The following DGKB variants were observed in gnomAD, a reference collection of about 807,000 sequenced individuals.
DGKB encodes the protein diacylglycerol kinase beta.
DGKB carries 67 observed loss-of-function variants against 114.3 expected under a neutral mutation model. The ratio of observed to expected loss-of-function variants is 0.59; its 90% confidence interval spans 0.48 to 0.72. The LOEUF (loss-of-function observed/expected upper bound fraction) is 0.72. DGKB is among the 30% of genes least tolerant of loss of function. The probability of loss-of-function intolerance (pLI) is 0.00; values close to 1 mark genes in which losing one functional copy is unlikely to be tolerated. For missense variants in DGKB, 907 were observed against 975.2 expected, an observed-to-expected ratio of 0.93 and a Z score of 0.93; for synonymous variants, 398 against 323.1, an observed-to-expected ratio of 1.23 and a Z score of -2.49.
chr7:14,631,871 T>A (rs1809784560), intron 13 of DGKB, among the ~76,000 whole-genome samples: 1 of 151,986 alleles, frequency 6.6e-6, no homozygotes, highest in Non-Finnish European at 1.5e-5. Flanking sequence ...CAAATTCAGG[T>A]CAGGAATGTA....
chr7:14,404,597 T>A (rs538732295), intron 21 of DGKB, among the ~76,000 whole-genome samples: 1 of 151,972 alleles, frequency 6.6e-6, no homozygotes, highest in African/African-American at 2.4e-5. Context: ...AGCCTAATTA[T>A]GGAAATAGAG....
intron 6 of DGKB, among the ~76,000 whole-genome samples, chr7:14,715,165 A>G (rs1242706580): frequency 1.3e-5 from 2 of 152,168 alleles, no homozygotes; most frequent in Non-Finnish European, 2.9e-5. Flanking sequence ...ATCAAGAGTC[A>G]AGGTTTTTAA....
chr7:14,693,142 C>G (rs1441617077), intron 9 of DGKB, among the ~76,000 whole-genome samples: 1 of 152,150 alleles, frequency 6.6e-6, no homozygotes, highest in South Asian at 2.1e-4. Context: ...TTGGGTTTGG[C>G]AGCAAAGTGG....
chr7:14,584,149 CAT>C (rs533015261), intron 17 of DGKB, among the ~76,000 whole-genome samples: 236 of 152,268 alleles, frequency 1.5e-3, no homozygotes, highest in African/African-American at 5.3e-3. Context: ...CAGTATATAA[CAT>C]ATGCATATGT....
At chr7:14,825,573 C>T (rs1186906982) in intron 2 of DGKB, among the ~76,000 whole-genome samples, 1 of 152,014 alleles carries the variant, frequency 6.6e-6, no homozygotes, top group Admixed American at 6.6e-5. Flanking sequence ...TGACAGGAGG[C>T]GAGGCTCAGG....
intron 23 of DGKB, among the ~76,000 whole-genome samples, chr7:14,295,185 T>C (rs1584983312): frequency 6.6e-6 from 1 of 152,174 alleles, no homozygotes; most frequent in Non-Finnish European, 1.5e-5. Flanking sequence ...AATATATGTA[T>C]ACAAAATATG....
chr7:14,201,244 C>T (rs1785821574), intron 23 of DGKB, among the ~76,000 whole-genome samples: 1 of 151,582 alleles, frequency 6.6e-6, no homozygotes, highest in South Asian at 2.1e-4. Flanking sequence ...GCATTAATCC[C>T]AATTATGATG....
At chr7:14,941,644 G>T (rs1045018425) in intron 1 of DGKB, among the ~76,000 whole-genome samples, 1 of 151,978 alleles carries the variant, frequency 6.6e-6, no homozygotes, top group Admixed American at 6.6e-5. Flanking sequence ...ATTGGTGAAT[G>T]GTACTAAATG....
At chr7:14,846,008 G>C (rs1269397333) in intron 1 of DGKB, among the ~76,000 whole-genome samples, 1 of 152,114 alleles carries the variant, frequency 6.6e-6, no homozygotes, top group Non-Finnish European at 1.5e-5. Context: ...ACTTACACAT[G>C]ACCACCAAGT....
rs181780387 is a variant in DGKB, at chr7:14,820,798, A to T, written c.70+20396T>A. On this transcript the variant is annotated intron_variant, in intron 2 of 25. Coordinates refer to ENST00000402815, the MANE Select transcript of DGKB (RefSeq NM_001350709.2). Reference sequence around the variant, plus strand: ...GACTATGTTAACCCAAAATTAACATAGTGTGTTTTCTCAGAGACAGAACTT... The same window carrying T: ...GACTATGTTAACCCAAAATTAACATTGTGTGTTTTCTCAGAGACAGAACTT... Among the ~76,000 whole-genome samples, 256 of 152,286 alleles carry T rather than the reference A, an allele frequency of 1.7e-3. 1 individual carries two copies. The highest frequency in any genetic ancestry group is 5.8e-3 in the African/African-American group (240 of 41,580).
chr7:14,212,653 G>C (rs1788311365), intron 23 of DGKB, among the ~76,000 whole-genome samples: 2 of 152,028 alleles, frequency 1.3e-5, no homozygotes, highest in African/African-American at 2.4e-5. Context: ...CCCCAGCTTA[G>C]AGTAAATCAG....
chr7:14,177,295 A>T (rs901956220), intron 24 of DGKB, among the ~76,000 whole-genome samples: 1 of 152,052 alleles, frequency 6.6e-6, no homozygotes, highest in African/African-American at 2.4e-5. Context: ...AATAACATCA[A>T]TTATTCCTGT....
chr7:14,681,531 A>G lies in DGKB; in HGVS notation c.1035+1022T>C, dbSNP rs1226446043. Among the ~76,000 whole-genome samples, 4 of 151,892 alleles carry G rather than the reference A, an allele frequency of 2.6e-5. No individual in the cohort carries two copies. The East Asian group carries it at 7.7e-4, about 29-fold the overall frequency. ...TTGAGGGTGGGGCACTTGGGGACAC[A>G]GTGGAGACAGTTATTTACTTAACTG... On this transcript the variant is annotated intron_variant, in intron 12 of 25. Transcript: ENST00000402815.
intron 5 of DGKB, among the ~76,000 whole-genome samples, chr7:14,732,403 T>C (rs765660774): frequency 4.9e-4 from 74 of 152,122 alleles, no homozygotes; most frequent in Non-Finnish European, 1.6e-4. Flanking sequence ...TCGTTATACA[T>C]TAGATAACAG....
At chr7:14,339,919 A>G (rs890527537) in intron 22 of DGKB, among the ~76,000 whole-genome samples, 3 of 151,938 alleles carry the variant, frequency 2.0e-5, no homozygotes, top group Admixed American at 6.6e-5. Context: ...CAGAAGACAC[A>G]GTGTTCCATG....
chr7:14,876,449 C>A (rs1219506590), intron 1 of DGKB, among the ~76,000 whole-genome samples: 1 of 152,212 alleles, frequency 6.6e-6, no homozygotes, highest in East Asian at 1.9e-4. Context: ...CCTTTGAATT[C>A]TTTCCTGGGC....
chr7:14,151,925 A>C (rs1199801895), intron 25 of DGKB, among the ~76,000 whole-genome samples: 1 of 152,028 alleles, frequency 6.6e-6, no homozygotes, highest in African/African-American at 2.4e-5. Flanking sequence ...GAGTAATTCC[A>C]AGCCACATGG....
intron 20 of DGKB, among the ~76,000 whole-genome samples, chr7:14,486,688 T>C (rs1783864253): frequency 6.6e-6 from 1 of 152,068 alleles, no homozygotes; most frequent in Non-Finnish European, 1.5e-5. Flanking sequence ...GCAGAGAGAA[T>C]ATCTAGAGAG....
At chr7:14,615,987 G>C (rs1585127105) in intron 15 of DGKB, among the ~76,000 whole-genome samples, 1 of 150,982 alleles carries the variant, frequency 6.6e-6, no homozygotes, top group South Asian at 2.1e-4. Flanking sequence ...AAGTTTTATG[G>C]AAATATCTTA....
Sources: gnomAD v4.1 joint callset for allele counts (sites outside exome capture counted in the v4.1 genomes callset) on GRCh38, gnomAD v4.1.1 for gene constraint, MANE v1.5 for transcripts, NCBI Gene and HGNC (gene_info 2026-07-23, HGNC 2026-07-21) for gene names.